Variants in ERBB4 observed in about 807,000 individuals in gnomAD.
ERBB4 encodes the protein receptor tyrosine-protein kinase erbB-4.
A neutral mutation model predicts 158.0 loss-of-function variants in ERBB4; 42 were observed. The observed-to-expected ratio is 0.27, with a 90% CI of 0.21 to 0.34. The LOEUF (loss-of-function observed/expected upper bound fraction) is 0.34, where lower values mean the gene tolerates loss of function less well. Ranked by LOEUF, ERBB4 falls within the 10% of genes least tolerant of loss-of-function variation. The probability of loss-of-function intolerance (pLI) is 1.00; values close to 1 mark genes in which losing one functional copy is unlikely to be tolerated. For missense variants in ERBB4, 1,333 were observed against 1,624.1 expected (o/e 0.82, Z 3.08); for synonymous variants, 583 against 558.7 (o/e 1.04, Z -0.61).
chr2:211,524,723 G>A (rs1161716171), intron 20 of ERBB4, among the ~76,000 whole-genome samples: 2 of 149,646 alleles, frequency 1.3e-5, no homozygotes, highest in African/African-American at 5.1e-5. Context: ...GCCCGCAAGC[G>A]CCAGGCGCAG....
chr2:212,437,733 C>T (rs2092169253), intron 1 of ERBB4, among the ~76,000 whole-genome samples: 1 of 152,040 alleles, frequency 6.6e-6, no homozygotes, highest in African/African-American at 2.4e-5. Flanking sequence ...CTCTTTATGC[C>T]TTAGAAACAC....
chr2:212,152,880 C>A (rs1200351416), intron 1 of ERBB4, among the ~76,000 whole-genome samples: 1 of 152,114 alleles, frequency 6.6e-6, no homozygotes, highest in East Asian at 1.9e-4. Context: ...ACAGAATGTA[C>A]ACAGAAGTAA....
intron 1 of ERBB4, among the ~76,000 whole-genome samples, chr2:212,197,247 T>C (rs1343890959): frequency 6.6e-6 from 1 of 152,192 alleles, no homozygotes; most frequent in African/African-American, 2.4e-5. Context: ...TTAATTATTA[T>C]ACAATAAAAC....
intron 3 of ERBB4, among the ~76,000 whole-genome samples, chr2:211,880,067 A>G (rs2078621445): frequency 1.3e-5 from 2 of 151,706 alleles, no homozygotes; most frequent in Non-Finnish European, 2.9e-5. Context: ...TAATTTTCAC[A>G]TATTATTGAA....
intron 1 of ERBB4, among the ~76,000 whole-genome samples, chr2:212,493,528 C>T (rs1257089027): frequency 6.6e-6 from 1 of 151,586 alleles, no homozygotes; most frequent in Admixed American, 6.6e-5. Flanking sequence ...AAAAACTTGG[C>T]TCAGTATCAG....
At chr2:211,480,351 T>C (rs2125546035) in intron 20 of ERBB4, among the ~76,000 whole-genome samples, 2 of 152,250 alleles carry the variant, frequency 1.3e-5, no homozygotes, top group South Asian at 2.1e-4. Context: ...AGGGACCTGG[T>C]GAGAGGTGAC....
At chr2:211,860,897 C>A (rs2077992827) in intron 3 of ERBB4, among the ~76,000 whole-genome samples, 1 of 133,488 alleles carries the variant, frequency 7.5e-6, no homozygotes, top group East Asian at 2.1e-4. Flanking sequence ...AAATACAACT[C>A]AAAAAGAATT....
chr2:211,539,288 A>AT (rs549255649), intron 20 of ERBB4, among the ~76,000 whole-genome samples: 53 of 152,036 alleles, frequency 3.5e-4, no homozygotes, highest in Admixed American at 1.2e-3. Context: ...ACCAAGACAG[A>AT]ATTGAAAAAC....
chr2:211,488,852 C>T (rs1191192040), intron 20 of ERBB4, among the ~76,000 whole-genome samples: 6 of 151,966 alleles, frequency 3.9e-5, no homozygotes. Context: ...ACTAATGAGG[C>T]TAATAAAATC....
In ERBB4 at chr2:211,858,251, C is replaced by T. The variant is rs528021340; in HGVS notation, c.422-70092G>A. ...AAAGGCCTGCATAAAGATGACTTGG[C>T]TGATGCACATAGTGAGAAAAAGCAA... is the stretch of plus-strand genomic sequence containing the variant. On this transcript the variant is annotated intron_variant, in intron 3 of 27. Coordinates refer to ENST00000342788, the MANE Select transcript of ERBB4 (RefSeq NM_005235.3). Among the ~76,000 whole-genome samples, 4 of 152,240 alleles carry T rather than the reference C, an allele frequency of 2.6e-5. No individual in the cohort carries two copies. The East Asian group carries it at 7.7e-4, about 29-fold the overall frequency.
chr2:211,760,961 T>C (rs902067009), intron 4 of ERBB4, among the ~76,000 whole-genome samples: 1 of 152,074 alleles, frequency 6.6e-6, no homozygotes, highest in African/African-American at 2.4e-5. Flanking sequence ...AGCCCAGCAC[T>C]TTGGGAGGCC....
intron 15 of ERBB4, among the ~76,000 whole-genome samples, chr2:211,658,634 C>T (rs532520442): frequency 6.6e-6 from 1 of 152,196 alleles, no homozygotes; most frequent in Admixed American, 6.5e-5. Context: ...TTGACACTGT[C>T]TTTTAAAATA....
chr2:211,520,909 A>T (rs1232904073), intron 20 of ERBB4, among the ~76,000 whole-genome samples: 2 of 152,142 alleles, frequency 1.3e-5, no homozygotes, highest in East Asian at 3.9e-4. Flanking sequence ...GAGCATCATG[A>T]ATCATGCCCA....
intron 12 of ERBB4, 51 bp from the exon 13 acceptor site, chr2:211,679,235 C>G (rs2072237260): frequency 6.2e-7 from 1 of 1,600,252 alleles, no homozygotes; most frequent in Admixed American, 1.7e-5. Context: ...TGTGTCAAAA[C>G]TTAAAATCTT....
chr2:212,201,262 A>G (rs542495571), intron 1 of ERBB4, among the ~76,000 whole-genome samples: 1 of 152,306 alleles, frequency 6.6e-6, no homozygotes, highest in African/African-American at 2.4e-5. Context: ...TTACCTTTAA[A>G]AACACATAAA....
intron 15 of ERBB4, among the ~76,000 whole-genome samples, chr2:211,660,930 A>G (rs1483237923): frequency 5.9e-5 from 9 of 152,334 alleles, no homozygotes; most frequent in Non-Finnish European, 1.5e-5. Context: ...TGAAAGGCAG[A>G]GAAGTCTGGT....
At chr2:212,173,893 T>C (rs1261233430) in intron 1 of ERBB4, among the ~76,000 whole-genome samples, 1 of 152,130 alleles carries the variant, frequency 6.6e-6, no homozygotes, top group Non-Finnish European at 1.5e-5. Flanking sequence ...GAAGGTTAAA[T>C]ATGAGCTCCT....
At chr2:211,451,387 T>A (rs1026225365) in intron 20 of ERBB4, among the ~76,000 whole-genome samples, 2 of 152,120 alleles carry the variant, frequency 1.3e-5, no homozygotes, top group Non-Finnish European at 2.9e-5. Context: ...AAAACAGTAT[T>A]TGTAGACTAT....
chr2:212,115,566 G>T (rs2079547425), intron 2 of ERBB4, among the ~76,000 whole-genome samples: 1 of 152,050 alleles, frequency 6.6e-6, no homozygotes, highest in East Asian at 1.9e-4. Context: ...CCAAATAAAA[G>T]AAGTAAAGAA....
Sources: allele counts gnomAD v4.1 joint callset (sites outside exome capture counted in the v4.1 genomes callset), GRCh38; gene constraint gnomAD v4.1.1; transcripts MANE v1.5; gene names NCBI Gene and HGNC (gene_info 2026-07-23, HGNC 2026-07-21).